Variants in YIPF6 observed in about 807,000 individuals in gnomAD.
YIPF6 encodes Yip1 domain family member 6, also known as protein YIPF6.
In YIPF6, 3 loss-of-function variants were observed where a neutral mutation model predicts 16.8. That is an observed-to-expected ratio of 0.18 (90% CI 0.08 to 0.46). YIPF6 has a LOEUF of 0.46. YIPF6 is among the 20% of genes least tolerant of loss of function. YIPF6 has a pLI of 0.98. For missense variants in YIPF6, 145 were observed against 184.9 expected (o/e 0.78, Z 1.25); for synonymous variants, 67 against 61.9 (o/e 1.08, Z -0.38).
intron 6 of YIPF6, among the ~76,000 whole-genome samples, chrX:68,526,466 C>A (rs148025594): frequency 1.8e-5 from 2 of 111,260 alleles, no homozygotes; most frequent in Non-Finnish European, 3.8e-5. Flanking sequence ...ATTTGAATAC[C>A]CTTTATTTCT....
rs1436681954 is a variant in YIPF6, at chrX:68,534,610, G to A, written c.*2611G>A. The A allele has an allele frequency of 6.3e-5, 7 of 111,012 alleles. No individual in the cohort carries two copies. The highest frequency in any genetic ancestry group is 1.3e-4 in the Non-Finnish European group (7 of 52,980). The allele number at this position is 111,012 out of a possible 1,213,427, so 9.1% of individuals were successfully genotyped here. A position where few individuals can be genotyped will look rare whatever the true frequency, so the allele number is the denominator to read the frequency against. ...AGGGTTAAATGAAGGTTGATAAAAT[G>A]GATGTTCAATTGTCTTTCTGAAAGT... On this transcript the variant is annotated 3_prime_UTR_variant, in exon 7 of 7. Transcript: ENST00000462683.
rs1279720703 is a variant in YIPF6 at position 68,522,860 on chromosome X, G to A, written c.535G>A (p.Val179Ile). Residue 179 changes from valine (V) to isoleucine (I), a missense_variant, in exon 6 of 7, where the codon GTA (valine) becomes ATA (isoleucine). Transcript: ENST00000462683. Reference sequence around the variant, plus strand: ...GGTACTTTTGGCTGATCCAGGACCTGTAAACTTCATGGTTCGGCTTTTTGT... The same window carrying A: ...GGTACTTTTGGCTGATCCAGGACCTATAAACTTCATGGTTCGGCTTTTTGT... Reference protein sequence around the residue: ...RLVLLADPGPVNFMVRLFVVI... With the variant: ...RLVLLADPGPINFMVRLFVVI... 1 of 1,211,281 alleles carries A rather than the reference G, an allele frequency of 8.3e-7. No individual in the cohort carries two copies. Among genetic ancestry groups the A allele is most frequent in the South Asian group, 1.8e-5 (1 of 56,902 alleles).
At chrX:68,516,526 T>TA (rs1279594706) in intron 3 of YIPF6, among the ~76,000 whole-genome samples, 5 of 110,846 alleles carry the variant, frequency 4.5e-5, no homozygotes, top group Non-Finnish European at 9.5e-5. Context: ...GTTGAGCAGT[T>TA]AAAAAAAAAT....
chrX:68,531,356 C>G (rs1460631813), intron 6 of YIPF6, among the ~76,000 whole-genome samples: 1 of 111,611 alleles, frequency 9.0e-6, no homozygotes, highest in Admixed American at 9.6e-5. Flanking sequence ...AACTCCTGAC[C>G]TCTGGTGATC....
At chrX:68,520,372 A>G (rs1025470056) in intron 4 of YIPF6, among the ~76,000 whole-genome samples, 1 of 112,852 alleles carries the variant, frequency 8.9e-6, no homozygotes, top group African/African-American at 3.2e-5. Context: ...TGGTTGTTCA[A>G]CTACTCAATT....
intron 6 of YIPF6, among the ~76,000 whole-genome samples, chrX:68,530,895 G>A (rs989749098): frequency 9.0e-5 from 10 of 111,050 alleles, no homozygotes; most frequent in African/African-American, 3.3e-4. Context: ...GCTGCAGACC[G>A]GAGCTGTTCC....
intron 5 of YIPF6, 135 bp from the exon 6 acceptor site, chrX:68,522,625 T>G: frequency 1.6e-6 from 1 of 610,690 alleles, no homozygotes; most frequent in Non-Finnish European, 2.4e-6. Context: ...TACTTAATAA[T>G]TAATGTTAGG....
At chrX:68,509,671 C>T (rs1174115960) in intron 1 of YIPF6, among the ~76,000 whole-genome samples, 1 of 111,540 alleles carries the variant, frequency 9.0e-6, no homozygotes, top group African/African-American at 3.3e-5. Flanking sequence ...TCCTGTCCCC[C>T]TCCTAGCTGA....
intron 1 of YIPF6, among the ~76,000 whole-genome samples, chrX:68,507,770 T>G (rs2079065331): frequency 9.1e-6 from 1 of 109,646 alleles, no homozygotes. Flanking sequence ...GCCCAGCTAA[T>G]TTTTTGTATT....
intron 3 of YIPF6, chrX:68,514,258 A>G (rs1039295713): frequency 9.6e-6 from 1 of 103,912 alleles, no homozygotes; most frequent in Non-Finnish European, 2.0e-5. Flanking sequence ...ATATATATAT[A>G]TATATTTTAA....
rs1031946199 is a variant in YIPF6, at chrX:68,533,912, A to G, written c.*1913A>G. ...ACTATAATGTAAAATTAAAGAAGTA[A>G]CCATGCTTCTCAAGGGGGAATTAAA... On this transcript the variant is annotated 3_prime_UTR_variant, in exon 7 of 7. Coordinates refer to ENST00000462683, the MANE Select transcript of YIPF6 (RefSeq NM_173834.4). The G allele has an allele frequency of 2.1e-4, 24 of 112,241 alleles. No homozygotes were observed. The highest frequency in any genetic ancestry group is 3.8e-4 in the Non-Finnish European group (20 of 53,266). 9.2% of individuals were successfully genotyped at this position (112,241 alleles called of 1,213,427 possible).
At position 68,536,406 on chromosome X, in the gene YIPF6, A is replaced by G. The variant is rs765017488; in HGVS notation, c.*4407A>G. On this transcript the variant is annotated 3_prime_UTR_variant, in exon 7 of 7. Transcript: ENST00000462683. ...TTAAGTAAATTGCCCACGGTCACAC[A>G]GTAATTTGATTTACAACAGTAATAA... 1 of 112,018 alleles carries G rather than the reference A, an allele frequency of 8.9e-6. No individual in the cohort carries two copies. Among genetic ancestry groups the G allele is most frequent in the Non-Finnish European group, 1.9e-5 (1 of 53,231 alleles). The allele number at this position is 112,018 out of a possible 1,213,427, so 9.2% of individuals were successfully genotyped here.
In YIPF6 at chrX:68,535,576, CTT is replaced by C. The variant is rs1183328298; in HGVS notation, c.*3580_*3581del. The C allele has an allele frequency of 1.8e-5, 2 of 111,501 alleles. No homozygotes were observed. Among genetic ancestry groups the C allele is most frequent in the Non-Finnish European group, 3.8e-5 (2 of 53,174 alleles). 9.2% of individuals were successfully genotyped at this position (111,501 alleles called of 1,213,427 possible). On this transcript the variant is annotated 3_prime_UTR_variant, in exon 7 of 7. Transcript: ENST00000462683. The stretch of plus-strand genomic sequence containing the variant: ...AATTCATGTATATAAATTAGAAACA[CTT>C]TTCTAGATTCTGTAGGCTTTTGTTA...
At chrX:68,527,721 G>A (rs993712054) in intron 6 of YIPF6, among the ~76,000 whole-genome samples, 4 of 111,673 alleles carry the variant, frequency 3.6e-5, no homozygotes, top group African/African-American at 6.5e-5. Context: ...CCTTAATTTC[G>A]TTGTTTACCT....
rs1338859203 is a variant in YIPF6, at chrX:68,499,107, C to T, written c.41C>T (p.Ala14Val). 3 of 1,185,396 alleles carry T rather than the reference C, an allele frequency of 2.5e-6. No homozygotes were observed. In the Admixed American group the frequency reaches 7.1e-5, roughly 28 times the overall value. ...AEESPGDPGT[A>V]SPRPLFAGLS... Reference sequence around the variant, plus strand: ...GAGTCTCCAGGAGACCCGGGGACAGCATCGCCCAGGCCCCTGGTGAGCTTG... The same window carrying T: ...GAGTCTCCAGGAGACCCGGGGACAGTATCGCCCAGGCCCCTGGTGAGCTTG... The change falls in exon 1 of 7, where the codon GCA (alanine) becomes GTA (valine). Residue 14 changes from alanine to valine, a missense_variant. Coordinates refer to ENST00000462683, the MANE Select transcript of YIPF6 (RefSeq NM_173834.4).
chrX:68,504,850 A>G (rs2079053876), intron 1 of YIPF6, among the ~76,000 whole-genome samples: 1 of 112,356 alleles, frequency 8.9e-6, no homozygotes, highest in South Asian at 3.7e-4. Flanking sequence ...ATTTGAACTC[A>G]GGCTATTTGG....
intron 6 of YIPF6, among the ~76,000 whole-genome samples, chrX:68,527,777 G>A (rs951997600): frequency 6.3e-5 from 7 of 111,863 alleles, no homozygotes; most frequent in Non-Finnish European, 1.1e-4. Flanking sequence ...GTAGCTGTGC[G>A]GTTTTGAGTG....
chrX:68,500,673 A>C (rs983967497), intron 1 of YIPF6, among the ~76,000 whole-genome samples: 1 of 111,557 alleles, frequency 9.0e-6, no homozygotes, highest in Non-Finnish European at 1.9e-5. Context: ...GAGATCAGTG[A>C]ACTTAATTCT....
Position 68,532,654 on chromosome X carries a change from C to T in YIPF6, c.*655C>T, listed in dbSNP as rs963037548. On this transcript the variant is annotated 3_prime_UTR_variant, in exon 7 of 7. Coordinates refer to ENST00000462683, the MANE Select transcript of YIPF6 (RefSeq NM_173834.4). ...TCTAAAGAATCAGCCTCTTTGGTCCCTTTGTGCTGTCACCTTTTTGCCATG... is the reference window on the plus strand; with the variant it reads ...TCTAAAGAATCAGCCTCTTTGGTCCTTTTGTGCTGTCACCTTTTTGCCATG... 9.1e-6 allele frequency: 1 copy of T among 109,940 alleles called. No homozygotes were observed. The highest frequency in any genetic ancestry group is 1.9e-5 in the Non-Finnish European group (1 of 52,804). The allele number at this position is 109,940 out of a possible 1,213,427, so 9.1% of individuals were successfully genotyped here.
Sources: allele counts gnomAD v4.1 joint callset (sites outside exome capture counted in the v4.1 genomes callset), GRCh38; gene constraint gnomAD v4.1.1; transcripts MANE v1.5; gene names NCBI Gene and HGNC (gene_info 2026-07-23, HGNC 2026-07-21).